IFT172: variants seen among roughly 807,000 people sequenced by gnomAD.
IFT172 encodes the protein intraflagellar transport protein 172 homolog.
In IFT172, 164 loss-of-function variants were observed where a neutral mutation model predicts 248.9. That is an observed-to-expected ratio of 0.66 (90% confidence interval 0.58 to 0.75). The LOEUF (loss-of-function observed/expected upper bound fraction) is 0.75, where lower values mean the gene tolerates loss of function less well. Among genes scored for constraint, IFT172 ranks in the 30% least tolerant of loss-of-function variants. The pLI is 0.00. For synonymous variants in IFT172, 729 were observed against 791.6 expected, an observed-to-expected ratio of 0.92 and a Z score of 1.33; for missense variants, 1,950 against 2,192.4, an observed-to-expected ratio of 0.89 and a Z score of 2.21.
intron 16 of IFT172, 190 bp from the exon 17 acceptor site, chr2:27,466,072 A>C: frequency 1.5e-6 from 1 of 655,760 alleles, no homozygotes; most frequent in East Asian, 2.7e-5. Context: ...CTTGGGTTAA[A>C]GTATACTCCT....
chr2:27,484,991 A>G, intron 3 of IFT172, 27 bp downstream of exon 3: 1 of 1,283,556 alleles, frequency 7.8e-7, no homozygotes, highest in Non-Finnish European at 1.1e-6. Context: ...TTCCTGGGCC[A>G]TCCCATCTCC....
intron 18 of IFT172, 93 bp downstream of exon 18, chr2:27,465,318 C>A: frequency 9.5e-7 from 1 of 1,048,958 alleles, no homozygotes. Context: ...GAGGGAGTAC[C>A]TTAACACCGG....
intron 6 of IFT172, 42 bp from the exon 7 acceptor site, chr2:27,483,418 T>C (rs1044496613): frequency 6.2e-6 from 9 of 1,452,320 alleles, no homozygotes; most frequent in Non-Finnish European, 8.7e-6. Context: ...AGAGACTATT[T>C]TATCTCACCA....
At chr2:27,487,812 T>C (rs1050027373) in intron 1 of IFT172, among the ~76,000 whole-genome samples, 5 of 152,138 alleles carry the variant, frequency 3.3e-5, no homozygotes, top group African/African-American at 4.8e-5. Flanking sequence ...GTCGAACCCC[T>C]GACCTCGGGT....
chr2:27,446,245 C>G lies in IFT172; in HGVS notation c.4755+15G>C. On this transcript the variant is annotated intron_variant, in intron 43 of 47. Transcript: ENST00000260570. The stretch of plus-strand genomic sequence containing the variant: ...CTTCCTCCTATCTGCCCCACCCTTC[C>G]TTGTCCCAGCTCACCTTGGCAGCAA... 1 of 1,613,076 alleles carries G rather than the reference C, an allele frequency of 6.2e-7. No individual in the cohort carries two copies. Among genetic ancestry groups the G allele is most frequent in the Non-Finnish European group, 8.5e-7 (1 of 1,179,090 alleles).
intron 14 of IFT172, chr2:27,475,486 A>T (rs1256080073): frequency 1.3e-5 from 2 of 152,216 alleles, no homozygotes; most frequent in Non-Finnish European, 2.9e-5. Context: ...CTTCTTTTAA[A>T]AAATTGGTTT....
At chr2:27,467,571 C>T (rs1667193792) in intron 16 of IFT172, among the ~76,000 whole-genome samples, 2 of 141,338 alleles carry the variant, frequency 1.4e-5, no homozygotes, top group African/African-American at 5.3e-5. Flanking sequence ...AAGATCACGC[C>T]ACTGCACTCC....
chr2:27,449,518 T>A lies in IFT172; in HGVS notation c.4205A>T (p.Asn1402Ile). The A allele has an allele frequency of 6.2e-7, 1 of 1,614,208 alleles. No homozygotes were observed. The highest frequency in any genetic ancestry group is 2.2e-5 in the East Asian group (1 of 44,892). The change falls in exon 38 of 48, where the codon AAT becomes ATT. Residue 1402 changes from asparagine (N) to isoleucine (I), a missense_variant. Around this residue, in one of 3 missense-constraint regions of IFT172, gnomAD observed 620 missense variants for 699.0 expected, o/e 0.89. Coordinates refer to ENST00000260570, the MANE Select transcript of IFT172 (RefSeq NM_015662.3). Reference sequence around the variant, plus strand: ...TCTCACCGAGTCCACTTTGCCCTGATTCTTGAGGAACTCTTTATAATGCTG... The same window carrying A: ...TCTCACCGAGTCCACTTTGCCCTGAATCTTGAGGAACTCTTTATAATGCTG... ...VDQHYKEFLK[N>I]QGKVDSLVGV...
chr2:27,445,993 A>C lies in IFT172; in HGVS notation c.4756-5T>G. The C allele has an allele frequency of 6.2e-7, 1 of 1,614,250 alleles. No homozygotes were observed. The highest frequency in any genetic ancestry group is 8.5e-7 in the Non-Finnish European group (1 of 1,180,046). ...CATGTTATCCCAGCCAACTGCCTGC[A>C]GCAAAGAAGAGTTGCAAATGGGAGT... On this transcript the variant is annotated splice_region_variant and splice_polypyrimidine_tract_variant and intron_variant, in intron 43 of 47. Coordinates refer to ENST00000260570, the MANE Select transcript of IFT172 (RefSeq NM_015662.3). The surrounding 1 kb of genome is among the most constrained non-coding windows in gnomAD (Gnocchi z 4.4).
At chr2:27,482,540 C>T (rs1006777028) in intron 7 of IFT172, among the ~76,000 whole-genome samples, 5 of 152,200 alleles carry the variant, frequency 3.3e-5, no homozygotes, top group African/African-American at 1.2e-4. Context: ...CCGCCTCGGC[C>T]TCCCAAAGTG....
At chr2:27,470,893 A>G (rs773920255) in intron 16 of IFT172, 35 bp downstream of exon 16, 3 of 1,540,158 alleles carry the variant, frequency 1.9e-6, no homozygotes, top group East Asian at 4.6e-5. Flanking sequence ...AATCAGCTCA[A>G]TACCACATCT....
rs777980611 is a variant in IFT172, at chr2:27,446,338, C to G, written c.4677G>C (p.Arg1559Ser). 7 of 1,614,092 alleles carry G rather than the reference C, an allele frequency of 4.3e-6. No individual in the cohort carries two copies. The Admixed American group carries it at 1.2e-4, about 27-fold the overall frequency. Residue 1559 changes from arginine (R) to serine (S), a missense_variant, in exon 43 of 48, where the codon AGG becomes AGC. Transcript: ENST00000260570. ...TGTGACGCAAGAGTGAAACAGAAAG[C>G]CTGGCAGCCACGGTTTCCTGGGATT... ...SVKQLETVAA[R>S]LSVSLLRHTQ...
chr2:27,461,556 C>T, intron 21 of IFT172, 39 bp from the exon 22 acceptor site: 1 of 1,604,794 alleles, frequency 6.2e-7, no homozygotes, highest in Non-Finnish European at 8.5e-7. Flanking sequence ...TCACATCCCC[C>T]TTCCTACCCT....
In IFT172 at chr2:27,459,358, G is replaced by A. The variant is rs200344602; in HGVS notation, c.2787+20C>T. On this transcript the variant is annotated intron_variant, in intron 25 of 47. Coordinates refer to ENST00000260570, the MANE Select transcript of IFT172 (RefSeq NM_015662.3). Reference sequence around the variant, plus strand: ...CCTCTACTGCATTGCCTCGTGCTGCGGAAAGGGACTCTTCCTCACCTCATA... The same window carrying A: ...CCTCTACTGCATTGCCTCGTGCTGCAGAAAGGGACTCTTCCTCACCTCATA... The A allele has an allele frequency of 1.4e-3, 2,298 of 1,613,244 alleles. 2 individuals are homozygous for A. The highest frequency in any genetic ancestry group is 1.8e-3 in the Non-Finnish European group (2,123 of 1,179,652).
At chr2:27,484,335 T>C in intron 3 of IFT172, 69 bp from the exon 4 acceptor site, 1 of 1,549,224 alleles carries the variant, frequency 6.5e-7, no homozygotes, top group Non-Finnish European at 8.9e-7. Flanking sequence ...CTCATGCCTG[T>C]AATCCCAGCA....
rs1237678953 is a variant in IFT172 at position 27,445,766 on chromosome 2, G to T, written c.4893C>A (p.Leu1631=). Residue 1631 remains leucine, a synonymous_variant, in exon 45 of 48, where the codon CTC becomes CTA. Transcript: ENST00000260570. This position sits in a 1 kb window ranked among gnomAD's most constrained non-coding sequence, Gnocchi z 4.4. The stretch of plus-strand genomic sequence containing the variant: ...TTACCGGTACATGCTGCTTAGCTGG[G>T]AGTGGCACCTCAAAGGGAATGTCTG... The part of the protein sequence containing the change: ...QDTDIPFEVP[L]PAKQHVPEAE... The T allele has an allele frequency of 5.0e-6, 8 of 1,614,024 alleles. 1 individual carries two copies. The Admixed American group carries it at 1.3e-4, about 27-fold the overall frequency.
intron 35 of IFT172, among the ~76,000 whole-genome samples, chr2:27,450,959 T>TC (rs1665620097): frequency 6.6e-6 from 1 of 151,828 alleles, no homozygotes. Flanking sequence ...CTGTTTTTTT[T>TC]TTTTTTTACT....
Position 27,465,328 on chromosome 2 carries a change from G to T in IFT172, c.1937+83C>A, listed in dbSNP as rs571687301. On this transcript the variant is annotated intron_variant, in intron 18 of 47. Transcript: ENST00000260570. ...GAAGGGAGGGAGTACCTTAACACCGGATTGGAGTAGCCCACAGGGAAAATA... is the reference window on the plus strand; with the variant it reads ...GAAGGGAGGGAGTACCTTAACACCGTATTGGAGTAGCCCACAGGGAAAATA... 7.4e-4 allele frequency: 850 copies of T among 1,149,866 alleles called. 10 individuals carry two copies. The South Asian group carries it at 9.2e-3, about 12-fold the overall frequency. The allele number at this position is 1,149,866 out of a possible 1,614,324, so 71.2% of individuals were successfully genotyped here. A position where few individuals can be genotyped will look rare whatever the true frequency, so the allele number is the denominator to read the frequency against.
chr2:27,446,526 A>T (rs1177715739), intron 42 of IFT172, 171 bp from the exon 43 acceptor site: 3 of 570,478 alleles, frequency 5.3e-6, no homozygotes. Context: ...TCTGAACAAG[A>T]CACCTGGGCC....
Sources: allele counts gnomAD v4.1 joint callset (sites outside exome capture counted in the v4.1 genomes callset), GRCh38; gene constraint gnomAD v4.1.1; regional missense constraint gnomAD v4.1.1; non-coding constraint Gnocchi (gnomAD v3.1); transcripts MANE v1.5; gene names NCBI Gene and HGNC (gene_info 2026-07-23, HGNC 2026-07-21).